The following GRIK4 variants were observed in gnomAD, a reference collection of about 807,000 sequenced individuals.
GRIK4 encodes the protein glutamate receptor ionotropic, kainate 4.
A neutral mutation model predicts 104.9 loss-of-function variants in GRIK4; 40 were observed. That is an observed-to-expected ratio of 0.38 (90% CI 0.30 to 0.50). GRIK4 has a LOEUF of 0.50. Among genes scored for constraint, GRIK4 ranks in the 20% least tolerant of loss-of-function variants. The pLI is 0.93. For missense variants in GRIK4, 1,047 were observed against 1,308.1 expected (o/e 0.80, Z 3.08); for synonymous variants, 485 against 524.9 (o/e 0.92, Z 1.04).
At position 120,764,832 on chromosome 11, in the gene GRIK4, G is replaced by C. The variant is rs1156506180; in HGVS notation, c.83-37861G>C. 5.3e-5 allele frequency among the ~76,000 whole-genome samples: 8 copies of C among 152,304 alleles called. No homozygotes were observed. In the East Asian group the frequency reaches 1.3e-3, roughly 26 times the overall value. ...GTTTCTGCAGAGAGATCTGCTGTTA[G>C]TCTGATGGGCTTCCCTTTGTGGGTA... On this transcript the variant is annotated intron_variant, in intron 3 of 20. Transcript: ENST00000527524.
intron 13 of GRIK4, among the ~76,000 whole-genome samples, chr11:120,927,988 G>A (rs992444963): frequency 1.1e-4 from 16 of 152,190 alleles, no homozygotes; most frequent in Middle Eastern, 3.4e-3. Context: ...CGAGGCAGGC[G>A]GATCACCTGA....
chr11:120,638,686 C>G (rs575580561), intron 1 of GRIK4, among the ~76,000 whole-genome samples: 14 of 151,776 alleles, frequency 9.2e-5, no homozygotes, highest in African/African-American at 2.9e-4. Context: ...ACCATGTTAG[C>G]CAGGATGGTC....
chr11:120,804,002 A>G (rs1263609948), intron 4 of GRIK4, among the ~76,000 whole-genome samples: 1 of 152,182 alleles, frequency 6.6e-6, no homozygotes, highest in Non-Finnish European at 1.5e-5. Flanking sequence ...AGTGCAGTCC[A>G]TGAGACCTCC....
intron 1 of GRIK4, among the ~76,000 whole-genome samples, chr11:120,586,261 G>A (rs978826043): frequency 6.6e-6 from 1 of 152,074 alleles, no homozygotes; most frequent in African/African-American, 2.4e-5. Flanking sequence ...TAATCTAGGG[G>A]GTGGTTTTTC....
intron 13 of GRIK4, among the ~76,000 whole-genome samples, chr11:120,915,557 C>A (rs1462910634): frequency 6.6e-6 from 1 of 152,084 alleles, no homozygotes; most frequent in Non-Finnish European, 1.5e-5. Context: ...CAGCTGCCAA[C>A]CGTGCGAGCC....
At chr11:120,626,775 G>A (rs1260646764) in intron 1 of GRIK4, among the ~76,000 whole-genome samples, 2 of 152,204 alleles carry the variant, frequency 1.3e-5, no homozygotes, top group African/African-American at 2.4e-5. Flanking sequence ...TCTCTTGCTG[G>A]ACTTCTGTGC....
intron 13 of GRIK4, chr11:120,936,024 C>T (rs527396490): frequency 9.2e-5 from 19 of 206,114 alleles, no homozygotes; most frequent in Non-Finnish European, 1.7e-4. Context: ...GCTCTAGAAC[C>T]AACTTCGTCA....
intron 1 of GRIK4, among the ~76,000 whole-genome samples, chr11:120,542,891 AG>A (rs2136089103): frequency 6.6e-6 from 1 of 152,398 alleles, no homozygotes; most frequent in South Asian, 2.1e-4. Flanking sequence ...ACCTAGGGGA[AG>A]GGGAAACTGA....
At chr11:120,521,154 C>T (rs1420274392) in intron 1 of GRIK4, among the ~76,000 whole-genome samples, 3 of 152,072 alleles carry the variant, frequency 2.0e-5, no homozygotes, top group Non-Finnish European at 2.9e-5. Flanking sequence ...GGCATGATTA[C>T]AGCTCACTGT....
intron 3 of GRIK4, among the ~76,000 whole-genome samples, chr11:120,745,626 CA>C (rs1471649092): frequency 1.3e-5 from 2 of 152,154 alleles, no homozygotes; most frequent in African/African-American, 4.8e-5. Flanking sequence ...CATCTTAAAG[CA>C]GAATCAGTTG....
intron 3 of GRIK4, among the ~76,000 whole-genome samples, chr11:120,701,972 T>C (rs1394580722): frequency 1.5e-5 from 2 of 131,248 alleles, no homozygotes; most frequent in Admixed American, 1.5e-4. Flanking sequence ...TTTTTTTTTT[T>C]TTGAGATGGA....
chr11:120,814,745 C>T (rs1952899580), intron 4 of GRIK4, among the ~76,000 whole-genome samples: 1 of 152,202 alleles, frequency 6.6e-6, no homozygotes, highest in Non-Finnish European at 1.5e-5. Context: ...CCTGCTCTAC[C>T]TGGGGGAGGG....
At chr11:120,717,077 A>G (rs538496568) in intron 3 of GRIK4, among the ~76,000 whole-genome samples, 1 of 152,160 alleles carries the variant, frequency 6.6e-6, no homozygotes, top group Non-Finnish European at 1.5e-5. Context: ...CGTCGCTCTG[A>G]CAGGCAGTTT....
At chr11:120,767,898 T>C (rs943835532) in intron 3 of GRIK4, among the ~76,000 whole-genome samples, 8 of 152,212 alleles carry the variant, frequency 5.3e-5, no homozygotes, top group Admixed American at 1.3e-4. Flanking sequence ...TCTGGTTCCA[T>C]TGGTCTGTGT....
At position 120,889,588 on chromosome 11, in the gene GRIK4, CATTT is replaced by C. The variant is rs1485224833; in HGVS notation, c.1165-8943_1165-8940del. ...AATAGAATAAAATAGAAAGAGCTTA[CATTT>C]TTTTTTTTTTTTTTTTTTTTTTTTT... is the stretch of plus-strand genomic sequence containing the variant. On this transcript the variant is annotated intron_variant, in intron 11 of 20. Transcript: ENST00000527524. Among the ~76,000 whole-genome samples the C allele has an allele frequency of 8.2e-4, 55 of 67,134 alleles. 2 individuals are homozygous for C. The East Asian group carries it at 9.8e-3, about 12-fold the overall frequency. 44.0% of individuals were successfully genotyped at this position (67,134 alleles called of 152,430 possible).
intron 1 of GRIK4, among the ~76,000 whole-genome samples, chr11:120,551,907 C>T (rs367814491): frequency 1.3e-4 from 20 of 152,188 alleles, no homozygotes; most frequent in African/African-American, 4.6e-4. Context: ...GAACACGTGG[C>T]GGTTCCTGGA....
intron 3 of GRIK4, among the ~76,000 whole-genome samples, chr11:120,672,581 C>T (rs1034080759): frequency 2.6e-5 from 4 of 152,078 alleles, no homozygotes; most frequent in African/African-American, 4.8e-5. Context: ...AATGTTTTTC[C>T]GTTTGTGTCC....
intron 1 of GRIK4, among the ~76,000 whole-genome samples, chr11:120,628,580 A>T (rs1372358821): frequency 1.3e-5 from 2 of 152,128 alleles, no homozygotes; most frequent in Non-Finnish European, 2.9e-5. Context: ...TAGCCATGGA[A>T]AGGTTGATGG....
chr11:120,629,644 G>A (rs1471768083), intron 1 of GRIK4, among the ~76,000 whole-genome samples: 2 of 152,174 alleles, frequency 1.3e-5, no homozygotes, highest in South Asian at 2.1e-4. Context: ...TCCACCAGGT[G>A]TGAATTGAAC....
Sources: gnomAD v4.1 joint callset for allele counts (sites outside exome capture counted in the v4.1 genomes callset) on GRCh38, gnomAD v4.1.1 for gene constraint, MANE v1.5 for transcripts, NCBI Gene and HGNC (gene_info 2026-07-23, HGNC 2026-07-21) for gene names.